GDAP1: variants seen among roughly 807,000 people sequenced by gnomAD.
The protein encoded by GDAP1 is ganglioside induced differentiation associated protein 1, also known as ganglioside-induced differentiation-associated protein 1.
GDAP1 carries 34 observed loss-of-function variants against 40.1 expected under a neutral mutation model. That is an observed-to-expected ratio of 0.85 (90% CI 0.64 to 1.13). The LOEUF (loss-of-function observed/expected upper bound fraction) is 1.13, where lower values mean the gene tolerates loss of function less well. Among genes scored for constraint, GDAP1 ranks in the 50% most tolerant of loss-of-function variants. GDAP1 has a pLI of 0.00. For synonymous variants in GDAP1, 170 were observed against 157.4 expected, an observed-to-expected ratio of 1.08 and a Z score of -0.60; for missense variants, 374 against 433.7, an observed-to-expected ratio of 0.86 and a Z score of 1.22.
At position 74,464,088 on chromosome 8, in the gene GDAP1, G is replaced by A. The variant is rs77866405; in HGVS notation, c.166-24590G>A. 9.8e-5 allele frequency among the ~76,000 whole-genome samples: 15 copies of A among 152,312 alleles called. No homozygotes were observed. In the East Asian group the frequency reaches 2.7e-3, roughly 27 times the overall value. On this transcript the variant is annotated intron_variant, in intron 2 of 2. Transcript: ENST00000523640. Reference sequence around the variant, plus strand: ...AAATGAAGGTGCTGCTGGTGCCTGAGTGGGATTTTAAAGGACAAATCTGGG... The same window carrying A: ...AAATGAAGGTGCTGCTGGTGCCTGAATGGGATTTTAAAGGACAAATCTGGG...
In GDAP1 at chr8:74,365,529, T is replaced by C. The variant is rs113017051; in HGVS notation, c.*1162T>C. 1,063 of 454,292 alleles carry C rather than the reference T, an allele frequency of 2.3e-3. 10 individuals carry two copies. The highest frequency in any genetic ancestry group is 0.019 in the African/African-American group (962 of 50,048). The allele number at this position is 454,292 out of a possible 1,614,324, so 28.1% of individuals were successfully genotyped here. ...CTTTCATGGTGACAGGAAGACAGTT[T>C]CCCTGGAGCTGGCCATGAAGGCCTT... On this transcript the variant is annotated 3_prime_UTR_variant, in exon 6 of 6. Transcript: ENST00000220822.
At chr8:74,463,626 C>T (rs1274477095) in intron 2 of GDAP1, among the ~76,000 whole-genome samples, 1 of 152,016 alleles carries the variant, frequency 6.6e-6, no homozygotes, top group African/African-American at 2.4e-5. Context: ...CTAATAAGCA[C>T]ACATCTAATT....
intron 2 of GDAP1, among the ~76,000 whole-genome samples, chr8:74,443,893 C>T (rs1266935235): frequency 6.6e-6 from 1 of 152,100 alleles, no homozygotes; most frequent in Non-Finnish European, 1.5e-5. Context: ...CACAGTTTCT[C>T]TCCAGCTGTT....
intron 2 of GDAP1, among the ~76,000 whole-genome samples, chr8:74,438,593 T>G (rs1393172554): frequency 6.6e-6 from 1 of 152,204 alleles, no homozygotes; most frequent in Non-Finnish European, 1.5e-5. Flanking sequence ...TGCCCATTTA[T>G]CTATTGAATT....
At chr8:74,443,541 C>T (rs996850238) in intron 2 of GDAP1, among the ~76,000 whole-genome samples, 1 of 152,178 alleles carries the variant, frequency 6.6e-6, no homozygotes. Flanking sequence ...CTACTGAGGA[C>T]TACTTCCTGC....
chr8:74,466,206 G>A (rs912445286), intron 2 of GDAP1, among the ~76,000 whole-genome samples: 1 of 152,154 alleles, frequency 6.6e-6, no homozygotes, highest in Admixed American at 6.5e-5. Context: ...TGTATCCAAA[G>A]GATATTGAGT....
At chr8:74,449,999 A>G (rs1806277180) in intron 2 of GDAP1, among the ~76,000 whole-genome samples, 1 of 151,864 alleles carries the variant, frequency 6.6e-6, no homozygotes, top group Non-Finnish European at 1.5e-5. Context: ...ATAAAAAATG[A>G]TACATTCCCA....
At chr8:74,395,826 A>C (rs1810189159) in intron 2 of GDAP1, among the ~76,000 whole-genome samples, 1 of 152,214 alleles carries the variant, frequency 6.6e-6, no homozygotes, top group Non-Finnish European at 1.5e-5. Flanking sequence ...TTTAACCTCT[A>C]ATAGATGTAC....
chr8:74,474,247 G>C (rs1408685947), intron 2 of GDAP1, among the ~76,000 whole-genome samples: 1 of 152,132 alleles, frequency 6.6e-6, no homozygotes, highest in Non-Finnish European at 1.5e-5. Context: ...AACAAGGGTA[G>C]CTTGACTTCC....
At chr8:74,356,702 G>GTGTA (rs1554547143) in intron 2 of GDAP1, among the ~76,000 whole-genome samples, 1 of 68,174 alleles carries the variant, frequency 1.5e-5, no homozygotes. Context: ...TTGTGTGTGT[G>GTGTA]TATATATATA....
chr8:74,363,406 A>G (rs1023386184), intron 5 of GDAP1, among the ~76,000 whole-genome samples: 1 of 152,204 alleles, frequency 6.6e-6, no homozygotes, highest in Non-Finnish European at 1.5e-5. Context: ...CCTCCAATCT[A>G]AAGTGTAATA....
chr8:74,469,356 T>A (rs1386057131), intron 2 of GDAP1, among the ~76,000 whole-genome samples: 1 of 152,212 alleles, frequency 6.6e-6, no homozygotes, highest in Non-Finnish European at 1.5e-5. Context: ...TTTACAAATT[T>A]TAAATGTAAA....
intron 2 of GDAP1, among the ~76,000 whole-genome samples, chr8:74,379,219 G>A (rs1809910283): frequency 6.7e-6 from 1 of 150,236 alleles, no homozygotes. Flanking sequence ...ACCCTCATAT[G>A]AATTTCCTGG....
At chr8:74,368,255 G>A (rs775251595), downstream of GDAP1, among the ~76,000 whole-genome samples, 17 of 152,098 alleles carry the variant, frequency 1.1e-4, no homozygotes, top group African/African-American at 1.7e-4. Context: ...AATTTCAGGC[G>A]TATGACCAGC....
At chr8:74,433,230 T>C (rs1461809421) in intron 2 of GDAP1, among the ~76,000 whole-genome samples, 7 of 152,214 alleles carry the variant, frequency 4.6e-5, no homozygotes. Flanking sequence ...TATCTTATAC[T>C]ATTTTCTTTA....
At chr8:74,444,048 T>C (rs144696401) in intron 2 of GDAP1, among the ~76,000 whole-genome samples, 1 of 151,762 alleles carries the variant, frequency 6.6e-6, no homozygotes, top group African/African-American at 2.4e-5. Context: ...ATTATAGTAT[T>C]GTATTTTATA....
chr8:74,382,737 G>A (rs1809972619), intron 2 of GDAP1, among the ~76,000 whole-genome samples: 1 of 151,942 alleles, frequency 6.6e-6, no homozygotes, highest in Non-Finnish European at 1.5e-5. Flanking sequence ...TCTATAATCT[G>A]GATGAGATTG....
At chr8:74,430,001 C>A (rs1806005835) in intron 2 of GDAP1, among the ~76,000 whole-genome samples, 1 of 151,982 alleles carries the variant, frequency 6.6e-6, no homozygotes. Flanking sequence ...CAGGGAAGAG[C>A]AACCACATAG....
chr8:74,403,519 C>T (rs564947749), intron 2 of GDAP1, among the ~76,000 whole-genome samples: 1 of 150,332 alleles, frequency 6.7e-6, no homozygotes, highest in Admixed American at 6.5e-5. Context: ...ATTTTCTTTT[C>T]TAAACAAGCT....
Sources: allele counts gnomAD v4.1 joint callset (sites outside exome capture counted in the v4.1 genomes callset), GRCh38; gene constraint gnomAD v4.1.1; transcripts MANE v1.5; gene names NCBI Gene and HGNC (gene_info 2026-07-23, HGNC 2026-07-21).